Variants in ACCSL observed in about 807,000 individuals in gnomAD.
The protein encoded by ACCSL is probable inactive 1-aminocyclopropane-1-carboxylate synthase-like protein 2.
A neutral mutation model predicts 61.7 loss-of-function variants in ACCSL; 55 were observed. The observed-to-expected ratio is 0.89, with a 90% CI of 0.72 to 1.12. The LOEUF is 1.12. Among genes scored for constraint, ACCSL ranks in the 50% most tolerant of loss-of-function variants. The probability of loss-of-function intolerance (pLI) is 0.00; values close to 1 mark genes in which losing one functional copy is unlikely to be tolerated. For synonymous variants in ACCSL, 258 were observed against 264.3 expected (o/e 0.98, Z 0.23); for missense variants, 632 against 698.0 (o/e 0.91, Z 1.07).
chr11:43,985,797 G>A, the ACCSL span, among the ~76,000 whole-genome samples: 1 of 152,278 alleles, frequency 6.6e-6, no homozygotes, highest in African/African-American at 2.4e-5. Flanking sequence ...GCTCACGCCT[G>A]TACTTTGGGC....
the ACCSL span, among the ~76,000 whole-genome samples, chr11:43,959,312 G>A: frequency 6.6e-6 from 1 of 152,156 alleles, no homozygotes; most frequent in Admixed American, 6.5e-5. Flanking sequence ...GCCTGACGTT[G>A]ACCAAGCAGG....
At chr11:44,007,011 A>G in the ACCSL span, among the ~76,000 whole-genome samples, 1 of 152,184 alleles carries the variant, frequency 6.6e-6, no homozygotes, top group Non-Finnish European at 1.5e-5. Context: ...CGTTTGAGCC[A>G]ATGAGAGCTC....
At chr11:44,017,131 C>T in the ACCSL span, among the ~76,000 whole-genome samples, 1 of 152,106 alleles carries the variant, frequency 6.6e-6, no homozygotes, top group East Asian at 1.9e-4. Flanking sequence ...CCACCCAATA[C>T]CCAATGGAAA....
upstream of ACCSL, among the ~76,000 whole-genome samples, chr11:44,046,515 A>G: frequency 6.6e-6 from 1 of 152,254 alleles, no homozygotes; most frequent in Non-Finnish European, 1.5e-5. Context: ...TGAACAAGTA[A>G]CAATATTAAA....
chr11:44,026,599 T>C, the ACCSL span, among the ~76,000 whole-genome samples: 1 of 152,248 alleles, frequency 6.6e-6, no homozygotes, highest in Non-Finnish European at 1.5e-5. Flanking sequence ...TGTTTCTTAG[T>C]GTGTCCTGTA....
At chr11:43,924,094 G>C in the ACCSL span, among the ~76,000 whole-genome samples, 1 of 152,250 alleles carries the variant, frequency 6.6e-6, no homozygotes, top group Non-Finnish European at 1.5e-5. Context: ...AAAGGGGAAA[G>C]TGGGGAGGGA....
chr11:43,958,636 T>G, the ACCSL span, among the ~76,000 whole-genome samples: 3 of 152,236 alleles, frequency 2.0e-5, no homozygotes, highest in African/African-American at 4.8e-5. Flanking sequence ...ACACATTCAG[T>G]CTATCGGAGG....
At chr11:44,055,348 G>A in intron 9 of ACCSL, 57 bp downstream of exon 9, 1 of 1,440,498 alleles carries the variant, frequency 6.9e-7, no homozygotes, top group Non-Finnish European at 9.7e-7. Flanking sequence ...TGTTTTGCAG[G>A]GTGAGTTTAT....
the ACCSL span, chr11:43,942,776 C>T: frequency 1.1e-3 from 534 of 472,594 alleles, 1 homozygote; most frequent in African/African-American, 0.01. Context: ...CCGCCGCCAC[C>T]CCGCAGCAGA....
At chr11:43,949,676 A>G in the ACCSL span, among the ~76,000 whole-genome samples, 5 of 152,244 alleles carry the variant, frequency 3.3e-5, no homozygotes, top group East Asian at 9.7e-4. Context: ...TTAGCTGGGC[A>G]TGGTGGCACA....
chr11:44,020,143 T>A, the ACCSL span, among the ~76,000 whole-genome samples: 6 of 152,370 alleles, frequency 3.9e-5, no homozygotes, highest in East Asian at 1.2e-3. Context: ...CATATGGTCT[T>A]GATTACTGTT....
chr11:44,027,634 A>G, the ACCSL span, among the ~76,000 whole-genome samples: 1 of 152,306 alleles, frequency 6.6e-6, no homozygotes, highest in South Asian at 2.1e-4. Flanking sequence ...AGGTGAAGAA[A>G]TGTTCCCAAG....
the ACCSL span, among the ~76,000 whole-genome samples, chr11:43,954,201 T>G: frequency 6.6e-6 from 1 of 152,160 alleles, no homozygotes; most frequent in Non-Finnish European, 1.5e-5. Context: ...TGTGTTTTGT[T>G]ATGGGATGAA....
the ACCSL span, among the ~76,000 whole-genome samples, chr11:44,021,091 T>G: frequency 6.6e-6 from 1 of 152,150 alleles, no homozygotes; most frequent in Non-Finnish European, 1.5e-5. Context: ...GCTATAAACA[T>G]GTGTGTGCAA....
chr11:44,034,501 C>T, the ACCSL span, among the ~76,000 whole-genome samples: 11 of 152,156 alleles, frequency 7.2e-5, no homozygotes, highest in African/African-American at 1.9e-4. Flanking sequence ...TCCACATGGC[C>T]GAGGAGGCCT....
the ACCSL span, chr11:43,943,636 C>T: frequency 1.5e-6 from 2 of 1,305,722 alleles, no homozygotes; most frequent in South Asian, 2.5e-5. This position sits in a 1 kb window ranked among gnomAD's most constrained non-coding sequence, Gnocchi z 4.8. Flanking sequence ...TTTTGCACAC[C>T]GCTCCACCGT....
chr11:44,044,472 A>G (rs1312519227), upstream of ACCSL, among the ~76,000 whole-genome samples: 2 of 151,986 alleles, frequency 1.3e-5, no homozygotes, highest in Non-Finnish European at 2.9e-5. Flanking sequence ...TGAGCTTTCA[A>G]TTTTGCACCT....
chr11:44,012,585 C>A, the ACCSL span, among the ~76,000 whole-genome samples: 3 of 152,154 alleles, frequency 2.0e-5, no homozygotes, highest in Non-Finnish European at 4.4e-5. Context: ...CTGTACCCAG[C>A]CTTGATTAAC....
At chr11:43,932,014 G>A in the ACCSL span, among the ~76,000 whole-genome samples, 1 of 152,198 alleles carries the variant, frequency 6.6e-6, no homozygotes, top group Non-Finnish European at 1.5e-5. Context: ...CGGGCTCTGG[G>A]ACCCCAAAAG....
Sources: allele counts gnomAD v4.1 joint callset (sites outside exome capture counted in the v4.1 genomes callset), GRCh38; gene constraint gnomAD v4.1.1; non-coding constraint Gnocchi (gnomAD v3.1); transcripts MANE v1.5; gene names NCBI Gene and HGNC (gene_info 2026-07-23, HGNC 2026-07-21).